PXDNL: variants seen among roughly 807,000 people sequenced by gnomAD.
The protein encoded by PXDNL is peroxidasin like.
PXDNL carries 145 observed loss-of-function variants against 150.8 expected under a neutral mutation model. The ratio of observed to expected loss-of-function variants is 0.96; its 90% CI spans 0.84 to 1.10. The LOEUF is 1.10. Ranked by LOEUF, PXDNL falls within the 50% of genes least tolerant of loss-of-function variation. PXDNL has a pLI of 0.00. For synonymous variants in PXDNL, 757 were observed against 725.7 expected (o/e 1.04, Z -0.69); for missense variants, 2,087 against 1,873.9 (o/e 1.11, Z -2.10).
chr8:51,647,781 A>G (rs879689685), intron 2 of PXDNL, among the ~76,000 whole-genome samples: 1 of 152,194 alleles, frequency 6.6e-6, no homozygotes, highest in Non-Finnish European at 1.5e-5. Flanking sequence ...GGCTTTATTA[A>G]ATCACAGGTA....
chr8:51,616,700 C>T (rs541167255), intron 2 of PXDNL, among the ~76,000 whole-genome samples: 1 of 152,282 alleles, frequency 6.6e-6, no homozygotes, highest in African/African-American at 2.4e-5. Context: ...AAAATAATGC[C>T]TACACATCAC....
At chr8:51,718,307 C>T (rs1481668467) in intron 1 of PXDNL, among the ~76,000 whole-genome samples, 1 of 152,060 alleles carries the variant, frequency 6.6e-6, no homozygotes, top group Non-Finnish European at 1.5e-5. Context: ...TGGGGGAATT[C>T]CATCTTTAGC....
At chr8:51,728,700 TAA>T (rs1163844624) in intron 1 of PXDNL, among the ~76,000 whole-genome samples, 17 of 152,178 alleles carry the variant, frequency 1.1e-4, no homozygotes, top group Non-Finnish European at 2.1e-4. Flanking sequence ...AATGTTATTA[TAA>T]AAGAATCAAA....
intron 1 of PXDNL, among the ~76,000 whole-genome samples, chr8:51,759,011 T>A (rs1320932789): frequency 6.6e-6 from 1 of 152,108 alleles, no homozygotes; most frequent in Non-Finnish European, 1.5e-5. Flanking sequence ...GAGCAAGACA[T>A]GGGGAGAAGC....
At chr8:51,688,063 A>C (rs1815914320) in intron 1 of PXDNL, among the ~76,000 whole-genome samples, 1 of 152,216 alleles carries the variant, frequency 6.6e-6, no homozygotes, top group Admixed American at 6.5e-5. Flanking sequence ...GAAAATATAG[A>C]TTTCCTAGAG....
chr8:51,531,018 T>C (rs1402347669), intron 4 of PXDNL, among the ~76,000 whole-genome samples: 1 of 152,172 alleles, frequency 6.6e-6, no homozygotes, highest in African/African-American at 2.4e-5. Flanking sequence ...AATGAATGAA[T>C]TGTAAACACA....
At chr8:51,358,117 A>G (rs1806576620) in intron 19 of PXDNL, among the ~76,000 whole-genome samples, 1 of 152,214 alleles carries the variant, frequency 6.6e-6, no homozygotes, top group South Asian at 2.1e-4. Context: ...ACAAGGAGAA[A>G]AATGACCAAA....
intron 3 of PXDNL, among the ~76,000 whole-genome samples, chr8:51,582,141 T>C (rs754788208): frequency 1.9e-4 from 29 of 152,158 alleles, no homozygotes; most frequent in Non-Finnish European, 4.0e-4. Flanking sequence ...GTGAGTATAT[T>C]TGGAGATAGG....
chr8:51,426,791 A>G (rs1394604260), intron 12 of PXDNL, 33 bp from the exon 13 acceptor site: 1 of 1,247,722 alleles, frequency 8.0e-7, no homozygotes, highest in African/African-American at 1.5e-5. Context: ...CATCATGTCA[A>G]ATAATATCAT....
chr8:51,466,526 A>C (rs1810208557), intron 8 of PXDNL, among the ~76,000 whole-genome samples: 1 of 152,218 alleles, frequency 6.6e-6, no homozygotes, highest in South Asian at 2.1e-4. Flanking sequence ...ATTGCAATGA[A>C]AACAAAAATT....
chr8:51,627,536 A>G (rs1257788635), intron 2 of PXDNL, among the ~76,000 whole-genome samples: 1 of 152,182 alleles, frequency 6.6e-6, no homozygotes, highest in African/African-American at 2.4e-5. Context: ...AAAAAATACC[A>G]TGAGACGAGG....
chr8:51,797,075 CAT>C (rs1407939663), intron 1 of PXDNL, among the ~76,000 whole-genome samples: 4 of 152,294 alleles, frequency 2.6e-5, no homozygotes, highest in Middle Eastern at 6.8e-3. Flanking sequence ...ATAAAAACCA[CAT>C]GATTATCTCA....
At chr8:51,538,366 A>C (rs994966008) in intron 4 of PXDNL, among the ~76,000 whole-genome samples, 8 of 152,188 alleles carry the variant, frequency 5.3e-5, no homozygotes, top group African/African-American at 1.9e-4. Context: ...CATAGATTCA[A>C]TATAGTTTCA....
At chr8:51,368,604 C>G (rs114467574) in intron 19 of PXDNL, among the ~76,000 whole-genome samples, 1 of 152,088 alleles carries the variant, frequency 6.6e-6, no homozygotes, top group Non-Finnish European at 1.5e-5. Flanking sequence ...TTTAATCATA[C>G]ATTTCATTCT....
At chr8:51,528,193 G>A (rs1811807285) in intron 4 of PXDNL, among the ~76,000 whole-genome samples, 1 of 152,150 alleles carries the variant, frequency 6.6e-6, no homozygotes, top group Non-Finnish European at 1.5e-5. Flanking sequence ...TCTCCTGGCA[G>A]CTGAGAAGGT....
chr8:51,479,852 C>T (rs1810562413), intron 6 of PXDNL, among the ~76,000 whole-genome samples: 2 of 152,192 alleles, frequency 1.3e-5, no homozygotes, highest in South Asian at 4.2e-4. Context: ...ACTTGTACCC[C>T]TTTACAGATA....
intron 1 of PXDNL, among the ~76,000 whole-genome samples, chr8:51,714,368 G>C (rs771038069): frequency 6.6e-6 from 1 of 152,172 alleles, no homozygotes; most frequent in Non-Finnish European, 1.5e-5. Context: ...TCATAGCACT[G>C]AGGAATAGCA....
Position 51,809,355 on chromosome 8 carries a change from G to A in PXDNL, c.-11C>T. On this transcript the variant is annotated 5_prime_UTR_variant, in exon 1 of 23. Transcript: ENST00000356297. Reference sequence around the variant, plus strand: ...CAGTCTGGGCTCCATCGCTCCATTCGCTGCTGGCCACGCGAAGAAGCAGCC... The same window carrying A: ...CAGTCTGGGCTCCATCGCTCCATTCACTGCTGGCCACGCGAAGAAGCAGCC... 2 of 1,519,746 alleles carry A rather than the reference G, an allele frequency of 1.3e-6. No individual in the cohort carries two copies. Among genetic ancestry groups the A allele is most frequent in the Non-Finnish European group, 1.8e-6 (2 of 1,134,212 alleles). 94.1% of individuals were successfully genotyped at this position (1,519,746 alleles called of 1,614,324 possible). A position where few individuals can be genotyped will look rare whatever the true frequency, so the allele number is the denominator to read the frequency against.
At chr8:51,453,402 A>C in intron 10 of PXDNL, 117 bp downstream of exon 10, 1 of 1,141,892 alleles carries the variant, frequency 8.8e-7, no homozygotes, top group Non-Finnish European at 1.2e-6. Flanking sequence ...TGTGTCAAAA[A>C]ATAATTGGCA....
Sources: allele counts gnomAD v4.1 joint callset (sites outside exome capture counted in the v4.1 genomes callset), GRCh38; gene constraint gnomAD v4.1.1; transcripts MANE v1.5; gene names NCBI Gene and HGNC (gene_info 2026-07-23, HGNC 2026-07-21).